Variants in DMAP1 observed in about 807,000 individuals in gnomAD.
The protein encoded by DMAP1 is DNA methyltransferase 1-associated protein 1.
Under a neutral mutation model 52.7 loss-of-function variants are expected in DMAP1, and 26 were observed. That is an observed-to-expected ratio of 0.49 (90% CI 0.36 to 0.68). The LOEUF (loss-of-function observed/expected upper bound fraction) is 0.68. Among genes scored for constraint, DMAP1 ranks in the 30% least tolerant of loss-of-function variants. The pLI is 0.00. For missense variants in DMAP1, 439 were observed against 625.2 expected, an observed-to-expected ratio of 0.70 and a Z score of 3.18; for synonymous variants, 231 against 246.0, an observed-to-expected ratio of 0.94 and a Z score of 0.57.
chr1:44,215,195 C>G, intron 3 of DMAP1: 1 of 539,618 alleles, frequency 1.9e-6, no homozygotes, highest in Non-Finnish European at 3.5e-6. Context: ...TCTCTACTTT[C>G]TTAGTATGAA....
chr1:44,219,290 C>G, intron 6 of DMAP1, 49 bp downstream of exon 6: 2 of 1,590,348 alleles, frequency 1.3e-6, no homozygotes, highest in East Asian at 2.2e-5. Context: ...TCACCTGGCA[C>G]AAGGCCTCAC....
In DMAP1 at chr1:44,220,626, C is replaced by T; in HGVS notation, c.*8C>T. On this transcript the variant is annotated 3_prime_UTR_variant, in exon 10 of 10. Coordinates refer to ENST00000372289, the MANE Select transcript of DMAP1 (RefSeq NM_019100.5). ...AAAGCCAAGAAGCCGTGAGAGGCCC[C>T]ACGGGGTGTGGGCGACGCTGTTATG... 1.2e-6 allele frequency: 2 copies of T among 1,614,216 alleles called. No individual in the cohort carries two copies. The highest frequency in any genetic ancestry group is 2.2e-5 in the East Asian group (1 of 44,878).
chr1:44,215,384 G>T, intron 3 of DMAP1: 1 of 454,934 alleles, frequency 2.2e-6, no homozygotes, highest in South Asian at 1.6e-5. Context: ...CCCCATCTCA[G>T]TGAATGGCAC....
At chr1:44,214,622 G>A (rs1572025245) in intron 2 of DMAP1, 81 bp from the exon 3 acceptor site, 1 of 1,613,544 alleles carries the variant, frequency 6.2e-7, no homozygotes, top group Middle Eastern at 1.7e-4. Context: ...ATAGGGTAGG[G>A]TAGATCAGCT....
chr1:44,215,488 G>T, intron 3 of DMAP1: 1 of 337,812 alleles, frequency 3.0e-6, no homozygotes, highest in South Asian at 2.3e-5. Flanking sequence ...ATCAACAACA[G>T]AACAAAGAAG....
chr1:44,220,376 G>T, intron 9 of DMAP1, 67 bp downstream of exon 9: 1 of 1,522,648 alleles, frequency 6.6e-7, no homozygotes, highest in Non-Finnish European at 8.8e-7. Context: ...CATGGGTGTA[G>T]GGGCTCCTCT....
intron 7 of DMAP1, 32 bp from the exon 8 acceptor site, chr1:44,219,774 G>T (rs765138145): frequency 7.4e-6 from 12 of 1,612,416 alleles, no homozygotes; most frequent in Middle Eastern, 1.6e-4. Context: ...CTTGTGGCTG[G>T]GACAGGCTTA....
intron 7 of DMAP1, 124 bp from the exon 8 acceptor site, chr1:44,219,682 T>C: frequency 7.7e-6 from 10 of 1,291,650 alleles, no homozygotes; most frequent in Non-Finnish European, 1.1e-5. Flanking sequence ...TTTCCTTTTC[T>C]GGCCCATAGT....
chr1:44,214,309 G>C (rs1310556609), intron 1 of DMAP1, 41 bp from the exon 2 acceptor site: 1 of 1,583,888 alleles, frequency 6.3e-7, no homozygotes, highest in Admixed American at 1.7e-5. Context: ...TTTCAGGAAA[G>C]GGTCTAGGTT....
chr1:44,216,405 T>C (rs1572027976), intron 3 of DMAP1: 1 of 152,004 alleles, frequency 6.6e-6, no homozygotes, highest in Non-Finnish European at 1.5e-5. Context: ...AATTTTTGTG[T>C]TTTTTTAAGA....
chr1:44,214,465 C>G (rs1178489503), intron 2 of DMAP1, 24 bp downstream of exon 2: 2 of 1,613,806 alleles, frequency 1.2e-6, no homozygotes, highest in Non-Finnish European at 1.7e-6. Context: ...TCCCAAGTCC[C>G]CCAGGTTTTG....
rs148003311 is a variant in DMAP1, at chr1:44,214,823, G to A, written c.318G>A (p.Lys106=). 28 of 1,614,086 alleles carry A rather than the reference G, an allele frequency of 1.7e-5. No homozygotes were observed. The highest frequency in any genetic ancestry group is 6.7e-5 in the Admixed American group (4 of 60,014). The change falls in exon 3 of 10, where the codon AAG becomes AAA. Residue 106 remains lysine (K), a synonymous_variant. Coordinates refer to ENST00000372289, the MANE Select transcript of DMAP1 (RefSeq NM_019100.5). The part of the protein sequence containing the change: ...KWMPFTNPAR[K]DGAMFFHWRR... ...TGCCATTCACCAACCCGGCCCGCAA[G>A]GACGGAGCAATGTTCTTCCACTGGC...
chr1:44,219,022 G>C, intron 5 of DMAP1, 34 bp from the exon 6 acceptor site: 1 of 1,610,968 alleles, frequency 6.2e-7, no homozygotes, highest in Non-Finnish European at 8.5e-7. Context: ...TCCTAGAAGT[G>C]CCCTCACACA....
rs750725590 is a variant in DMAP1, at chr1:44,213,825, C to T, written c.72C>T (p.Thr24=). ...CAGAAGGGGATGCAGCCTCTGGGAC[C>T]ATCAGCAAGAAGGACATTATCAACC... is the stretch of plus-strand genomic sequence containing the variant. ...GGPEGDAASG[T]ISKKDIINPD... The change falls in exon 1 of 10, where the codon ACC becomes ACT. Residue 24 remains threonine, a synonymous_variant. Transcript: ENST00000372289. The surrounding 1 kb of genome is among the most constrained non-coding windows in gnomAD (Gnocchi z 4.5). The T allele has an allele frequency of 1.8e-5, 29 of 1,594,530 alleles. No individual in the cohort carries two copies. Among genetic ancestry groups the T allele is most frequent in the Middle Eastern group, 3.3e-4 (2 of 6,064 alleles).
At position 44,220,287 on chromosome 1, in the gene DMAP1, G is replaced by A; in HGVS notation, c.1322G>A (p.Gly441Asp). Residue 441 changes from glycine (G) to aspartate (D), a missense_variant, in exon 9 of 10, where the codon GGC (glycine) becomes GAC (aspartate). By Grantham distance (94) the Gly-to-Asp change is moderately conservative (BLOSUM62 -1). This residue lies in a region of DMAP1 where 179 missense variants were observed against 285.9 expected (regional missense o/e 0.63). Coordinates refer to ENST00000372289, the MANE Select transcript of DMAP1 (RefSeq NM_019100.5). ...AAGGACACCATCATTGATGTGGTGG[G>A]CGCACCCCTCACGCCCAATTCGGTA... Reference protein sequence around the residue: ...DPKDTIIDVVGAPLTPNSRKR... With the variant: ...DPKDTIIDVVDAPLTPNSRKR... The A allele has an allele frequency of 1.9e-6, 3 of 1,552,832 alleles. No homozygotes were observed. The highest frequency in any genetic ancestry group is 2.6e-6 in the Non-Finnish European group (3 of 1,145,210).
chr1:44,218,095 T>G lies in DMAP1; in HGVS notation c.394-216T>G. The G allele has an allele frequency of 3.1e-6, 2 of 647,306 alleles. No individual in the cohort carries two copies. The highest frequency in any genetic ancestry group is 4.4e-5 in the Admixed American group (2 of 45,188). 40.1% of individuals were successfully genotyped at this position (647,306 alleles called of 1,614,324 possible). On this transcript the variant is annotated intron_variant, in intron 3 of 9. Transcript: ENST00000372289. The surrounding 1 kb of genome is among the most constrained non-coding windows in gnomAD (Gnocchi z 5.6). ...ACTGAGGCTCTGGAGCTGGAGACAG[T>G]GAAGTTGATCCTGGAATAAATCAGA...
rs761417411 is a variant in DMAP1 at position 44,220,330 on chromosome 1, G to T, written c.1344+21G>T. 38 of 1,534,708 alleles carry T rather than the reference G, an allele frequency of 2.5e-5. 1 individual carries two copies. In the Middle Eastern group the frequency reaches 5.3e-4, roughly 21 times the overall value. On this transcript the variant is annotated intron_variant, in intron 9 of 9. Transcript: ENST00000372289. ...ATTCGGTAAGAGTCTGGACAGGCTG[G>T]GAGGCACGCCTGGGCCCTGCGAGTG...
At chr1:44,216,213 C>T (rs1390443754) in intron 3 of DMAP1, 4 of 151,822 alleles carry the variant, frequency 2.6e-5, no homozygotes, top group Non-Finnish European at 4.4e-5. Flanking sequence ...GGACTGGCTG[C>T]ACAGTTCCTG....
chr1:44,218,825 C>T lies in DMAP1; in HGVS notation c.720+70C>T. The T allele has an allele frequency of 6.5e-7, 1 of 1,537,482 alleles. No homozygotes were observed. The highest frequency in any genetic ancestry group is 1.8e-4 in the Middle Eastern group (1 of 5,696). On this transcript the variant is annotated intron_variant, in intron 5 of 9. Transcript: ENST00000372289. This position sits in a 1 kb window ranked among gnomAD's most constrained non-coding sequence, Gnocchi z 5.6. ...TGCTCATTGTCTCCATCCTCCATCC[C>T]CTCAACTCCCACTCCCAGGTCCCCC...
Sources: gnomAD v4.1 joint callset for allele counts on GRCh38, gnomAD v4.1.1 for gene constraint, gnomAD v4.1.1 regional missense constraint, Gnocchi (gnomAD v3.1) non-coding constraint, MANE v1.5 for transcripts, NCBI Gene and HGNC (gene_info 2026-07-23, HGNC 2026-07-21) for gene names.